Variants in GALNT14 observed in about 807,000 individuals in gnomAD.
The protein encoded by GALNT14 is UDP-GalNAc:polypeptide N-acetylgalactosaminyltransferase 14.
A neutral mutation model predicts 77.5 loss-of-function variants in GALNT14; 60 were observed. The ratio of observed to expected loss-of-function variants is 0.77; its 90% confidence interval spans 0.63 to 0.96. GALNT14 has a LOEUF of 0.96. Ranked by LOEUF, GALNT14 falls within the 40% of genes least tolerant of loss-of-function variation. The probability of loss-of-function intolerance (pLI) is 0.00; values close to 1 mark genes in which losing one functional copy is unlikely to be tolerated. For synonymous variants in GALNT14, 280 were observed against 281.7 expected (o/e 0.99, Z 0.06); for missense variants, 710 against 731.0 (o/e 0.97, Z 0.33).
chr2:30,890,179 C>G, the GALNT14 span, among the ~76,000 whole-genome samples: 2 of 152,032 alleles, frequency 1.3e-5, no homozygotes, highest in Non-Finnish European at 2.9e-5. Context: ...ATGCTGAGGG[C>G]GGGGACCCAC....
chr2:30,892,970 G>C, the GALNT14 span, among the ~76,000 whole-genome samples: 2 of 152,174 alleles, frequency 1.3e-5, no homozygotes, highest in East Asian at 3.9e-4. Flanking sequence ...AATTTAATAA[G>C]GACATTTTTC....
intron 2 of GALNT14, among the ~76,000 whole-genome samples, chr2:30,970,076 T>C (rs1289398914): frequency 6.6e-6 from 1 of 152,186 alleles, no homozygotes; most frequent in Non-Finnish European, 1.5e-5. Flanking sequence ...CGTTAGATGC[T>C]TGACAAATAG....
intron 13 of GALNT14, among the ~76,000 whole-genome samples, chr2:30,914,513 G>C (rs114306677): frequency 0.018 from 2,721 of 152,294 alleles, 48 homozygotes; most frequent in Middle Eastern, 0.071. Flanking sequence ...CCTTGCCAAG[G>C]TCTGGGGTGG....
At chr2:30,942,784 T>G (rs1342229676) in intron 8 of GALNT14, among the ~76,000 whole-genome samples, 1 of 152,190 alleles carries the variant, frequency 6.6e-6, no homozygotes, top group African/African-American at 2.4e-5. Context: ...GAAACTGGGC[T>G]CTCTCTCCTT....
the GALNT14 span, among the ~76,000 whole-genome samples, chr2:30,889,456 C>T: frequency 6.6e-6 from 1 of 152,154 alleles, no homozygotes; most frequent in African/African-American, 2.4e-5. Flanking sequence ...TGGACAGGGA[C>T]TTCTCCCCTT....
chr2:30,981,143 G>C (rs1668965371), intron 2 of GALNT14, among the ~76,000 whole-genome samples: 1 of 152,200 alleles, frequency 6.6e-6, no homozygotes, highest in Non-Finnish European at 1.5e-5. Context: ...CCAGCACAGA[G>C]CCTCCTTGAA....
At chr2:31,032,786 T>C (rs963995463) in intron 1 of GALNT14, among the ~76,000 whole-genome samples, 2 of 151,868 alleles carry the variant, frequency 1.3e-5, no homozygotes, top group South Asian at 2.1e-4. Flanking sequence ...CTGTGAAGAG[T>C]AGAAGATGTG....
chr2:30,910,948 A>G lies in GALNT14; in HGVS notation c.1612T>C (p.Cys538Arg), dbSNP rs1323420102. The G allele has an allele frequency of 1.9e-6, 3 of 1,613,024 alleles. No individual in the cohort carries two copies. Among genetic ancestry groups the G allele is most frequent in the Non-Finnish European group, 2.5e-6 (3 of 1,179,902 alleles). ...TGCTGGCTCATGAGTGAGGACTCAC[A>G]TGGGTTGACGACGATTTCCTTGCCG... ...ENGKEIVVNP[C>R]ESSLMSQHWD... The change falls in exon 15 of 15, where the codon TGT becomes CGT. Residue 538 changes from cysteine to arginine, a missense_variant. Coordinates refer to ENST00000349752, the MANE Select transcript of GALNT14 (RefSeq NM_024572.4).
chr2:31,100,338 C>T (rs1224179677), intron 1 of GALNT14, among the ~76,000 whole-genome samples: 1 of 151,990 alleles, frequency 6.6e-6, no homozygotes, highest in African/African-American at 2.4e-5. Flanking sequence ...AACCTATCCT[C>T]AATGTTGAGG....
intron 12 of GALNT14, among the ~76,000 whole-genome samples, 177 bp downstream of exon 12, chr2:30,924,563 A>G (rs1665241970): frequency 6.6e-6 from 1 of 152,114 alleles, no homozygotes; most frequent in Non-Finnish European, 1.5e-5. Flanking sequence ...CATGCTATTG[A>G]TTCAGTATAA....
At chr2:30,961,531 G>C (rs950910151) in intron 3 of GALNT14, among the ~76,000 whole-genome samples, 3 of 152,134 alleles carry the variant, frequency 2.0e-5, no homozygotes, top group Admixed American at 6.5e-5. Context: ...TCTCTGAATG[G>C]TGGTATTGAT....
chr2:31,134,799 C>A (rs77968133), intron 1 of GALNT14, among the ~76,000 whole-genome samples: 3 of 152,156 alleles, frequency 2.0e-5, no homozygotes, highest in African/African-American at 7.2e-5. Context: ...CTGGGTTTAA[C>A]GGCATGGAAA....
rs550167132 is a variant in GALNT14 at position 30,972,914 on chromosome 2, G to A, written c.300-6612C>T. 9.8e-5 allele frequency among the ~76,000 whole-genome samples: 15 copies of A among 152,298 alleles called. No homozygotes were observed. In the South Asian group the frequency reaches 3.1e-3, roughly 32 times the overall value. On this transcript the variant is annotated intron_variant, in intron 2 of 14. Coordinates refer to ENST00000349752, the MANE Select transcript of GALNT14 (RefSeq NM_024572.4). ...GGCTTCCACTGGAGTCTGATCAGGT[G>A]GGCGAAGATGTGACCTCAGCAAGGC...
intron 8 of GALNT14, among the ~76,000 whole-genome samples, 161 bp from the exon 9 acceptor site, chr2:30,942,465 G>A (rs958622202): frequency 2.1e-4 from 32 of 152,276 alleles, no homozygotes; most frequent in Non-Finnish European, 4.0e-4. Flanking sequence ...TGTTCCTCTC[G>A]AGAAGGGCCA....
At chr2:31,049,159 A>T (rs1254248320) in intron 1 of GALNT14, among the ~76,000 whole-genome samples, 9 of 152,106 alleles carry the variant, frequency 5.9e-5, no homozygotes, top group Non-Finnish European at 1.3e-4. Context: ...TGCAGTCCTC[A>T]TCTGCTCTAC....
the GALNT14 span, among the ~76,000 whole-genome samples, chr2:30,905,318 A>C: frequency 1.3e-5 from 2 of 151,948 alleles, no homozygotes; most frequent in African/African-American, 4.8e-5. Context: ...TTTGAAAAAA[A>C]TTTAGAAGAA....
intron 2 of GALNT14, among the ~76,000 whole-genome samples, chr2:30,971,851 G>C (rs1476705624): frequency 6.6e-6 from 1 of 152,046 alleles, no homozygotes; most frequent in Non-Finnish European, 1.5e-5. Flanking sequence ...CATGATGCGT[G>C]CGATGCCTTT....
chr2:30,959,196 G>A (rs867406942), intron 3 of GALNT14, among the ~76,000 whole-genome samples: 1 of 152,128 alleles, frequency 6.6e-6, no homozygotes, highest in Non-Finnish European at 1.5e-5. Flanking sequence ...AAGCCACTAC[G>A]TGAGAATTAA....
chr2:30,944,823 G>A, intron 8 of GALNT14, 35 bp downstream of exon 8: 1 of 1,501,872 alleles, frequency 6.7e-7, no homozygotes, highest in Non-Finnish European at 9.0e-7. Context: ...AGTGGTGATG[G>A]TCTGCCCACC....
Sources: gnomAD v4.1 joint callset for allele counts (sites outside exome capture counted in the v4.1 genomes callset) on GRCh38, gnomAD v4.1.1 for gene constraint, MANE v1.5 for transcripts, NCBI Gene and HGNC (gene_info 2026-07-23, HGNC 2026-07-21) for gene names.